The following SULF2 variants were observed in gnomAD, a reference collection of about 807,000 sequenced individuals.
The protein encoded by SULF2 is sulfatase 2, also known as extracellular sulfatase Sulf-2.
In SULF2, 52 loss-of-function variants were observed where a neutral mutation model predicts 107.7. The ratio of observed to expected loss-of-function variants is 0.48; its 90% CI spans 0.39 to 0.61. The LOEUF (loss-of-function observed/expected upper bound fraction) is 0.61. SULF2 is among the 20% of genes least tolerant of loss of function. The pLI is 0.00. For synonymous variants in SULF2, 460 were observed against 464.3 expected (o/e 0.99, Z 0.12); for missense variants, 993 against 1,177.3 (o/e 0.84, Z 2.29).
In SULF2 at chr20:47,706,212, T is replaced by A. The variant is rs199575041; in HGVS notation, c.416-3542A>T. 3.9e-5 allele frequency among the ~76,000 whole-genome samples: 6 copies of A among 152,150 alleles called. No homozygotes were observed. The East Asian group carries it at 9.6e-4, about 24-fold the overall frequency. ...GCCAGGAAGGCCCCTGGAGACCAAG[T>A]GTAGTTCAGGAAACAAGATTTCCTA... is the stretch of plus-strand genomic sequence containing the variant. On this transcript the variant is annotated intron_variant, in intron 3 of 20. Coordinates refer to ENST00000688720, the MANE Select transcript of SULF2 (RefSeq NM_001387048.1).
At chr20:47,669,608 GA>G (rs778982835) in intron 11 of SULF2, among the ~76,000 whole-genome samples, 5 of 152,142 alleles carry the variant, frequency 3.3e-5, no homozygotes, top group Non-Finnish European at 7.4e-5. Flanking sequence ...CTAGCAGGGG[GA>G]AGAATGCCAG....
chr20:47,772,702 G>A (rs1009670709), intron 1 of SULF2, among the ~76,000 whole-genome samples: 1 of 151,918 alleles, frequency 6.6e-6, no homozygotes, highest in Admixed American at 6.5e-5. Flanking sequence ...ACTCACTCAG[G>A]TCTCCTGCCC....
intron 2 of SULF2, among the ~76,000 whole-genome samples, chr20:47,756,022 C>T (rs1445277445): frequency 6.6e-6 from 1 of 152,090 alleles, no homozygotes; most frequent in Non-Finnish European, 1.5e-5. Flanking sequence ...GCTCCTGACA[C>T]AGTGCACTGA....
In SULF2 at chr20:47,672,572, G is replaced by A. The variant is rs949522607; in HGVS notation, c.1381-179C>T. 2.0e-5 allele frequency: 20 copies of A among 984,478 alleles called. No homozygotes were observed. The African/African-American group carries it at 3.5e-4, about 17-fold the overall frequency. The allele number at this position is 984,478 out of a possible 1,614,324, so 61.0% of individuals were successfully genotyped here. A position where few individuals can be genotyped will look rare whatever the true frequency, so the allele number is the denominator to read the frequency against. On this transcript the variant is annotated intron_variant, in intron 10 of 20. Transcript: ENST00000688720. The stretch of plus-strand genomic sequence containing the variant: ...CTCCACTGCCACTGCTTGAACCTTG[G>A]GCAGAGCTACCATCATCCCCCAGCG...
chr20:47,777,727 A>C (rs975727061), intron 1 of SULF2, among the ~76,000 whole-genome samples: 1 of 152,192 alleles, frequency 6.6e-6, no homozygotes, highest in Non-Finnish European at 1.5e-5. Context: ...GTGGCCTGCA[A>C]TCAGAAGTCT....
At chr20:47,739,759 T>A (rs2089833683) in intron 2 of SULF2, among the ~76,000 whole-genome samples, 1 of 152,366 alleles carries the variant, frequency 6.6e-6, no homozygotes, top group Admixed American at 6.5e-5. Flanking sequence ...GCCTGGCACA[T>A]AATGTGCTCA....
chr20:47,671,803 C>T (rs2087480485), intron 11 of SULF2, among the ~76,000 whole-genome samples: 1 of 152,132 alleles, frequency 6.6e-6, no homozygotes, highest in Admixed American at 6.5e-5. Context: ...CAGCCTCTGC[C>T]TCCTGGGTTC....
chr20:47,723,774 C>T (rs2089362075), intron 3 of SULF2, among the ~76,000 whole-genome samples: 2 of 152,146 alleles, frequency 1.3e-5, no homozygotes, highest in African/African-American at 2.4e-5. Context: ...CAAGCTCGGG[C>T]TCCCACTGAT....
intron 2 of SULF2, among the ~76,000 whole-genome samples, chr20:47,754,027 T>C (rs1453190045): frequency 6.6e-6 from 1 of 152,202 alleles, no homozygotes; most frequent in African/African-American, 2.4e-5. Flanking sequence ...AGTATGGCCC[T>C]GGAAGCAGTT....
At chr20:47,673,086 C>T (rs1419013191) in intron 10 of SULF2, among the ~76,000 whole-genome samples, 1 of 152,224 alleles carries the variant, frequency 6.6e-6, no homozygotes, top group Non-Finnish European at 1.5e-5. Context: ...GAATCACTGT[C>T]CAAATCTCTC....
At chr20:47,709,754 C>CTGTGTGTG (rs57995482) in intron 3 of SULF2, among the ~76,000 whole-genome samples, 4 of 150,790 alleles carry the variant, frequency 2.7e-5, no homozygotes, top group African/African-American at 9.8e-5. Flanking sequence ...AGGGAAGAGT[C>CTGTGTGTG]TGTGTGTGTG....
chr20:47,692,863 C>A (rs1346411839), intron 4 of SULF2, among the ~76,000 whole-genome samples: 4 of 152,118 alleles, frequency 2.6e-5, no homozygotes, highest in Admixed American at 1.3e-4. Context: ...TAAGAGCAAG[C>A]AACAGAGTCA....
intron 6 of SULF2, 67 bp downstream of exon 6, chr20:47,684,364 G>A (rs1427080506): frequency 1.3e-6 from 2 of 1,492,312 alleles, no homozygotes; most frequent in East Asian, 2.4e-5. Context: ...GGGCCAGGAG[G>A]TCTCGGCCCT....
At chr20:47,741,582 C>T (rs2089883642) in intron 2 of SULF2, among the ~76,000 whole-genome samples, 1 of 152,216 alleles carries the variant, frequency 6.6e-6, no homozygotes, top group Middle Eastern at 3.2e-3. Flanking sequence ...GATGGCTCCA[C>T]AGCTCAGCCT....
chr20:47,665,755 C>T, intron 13 of SULF2, 102 bp downstream of exon 13: 1 of 947,948 alleles, frequency 1.1e-6, no homozygotes, highest in South Asian at 1.4e-5. Flanking sequence ...ACCTCTCCAG[C>T]CTCTTCCCTG....
At chr20:47,754,745 C>G (rs183565431) in intron 2 of SULF2, among the ~76,000 whole-genome samples, 1 of 152,222 alleles carries the variant, frequency 6.6e-6, no homozygotes, top group Admixed American at 6.5e-5. Context: ...CAAACGCACA[C>G]GCTACCAATC....
chr20:47,698,891 C>T (rs542276696), intron 4 of SULF2, among the ~76,000 whole-genome samples: 96 of 152,112 alleles, frequency 6.3e-4, no homozygotes, highest in African/African-American at 2.1e-3. Context: ...ATTAGCTGGG[C>T]GTGGTGGTGC....
chr20:47,686,730 G>T (rs1377093969), intron 5 of SULF2, among the ~76,000 whole-genome samples: 1 of 152,226 alleles, frequency 6.6e-6, no homozygotes, highest in Non-Finnish European at 1.5e-5. Flanking sequence ...GGGTAGCTTG[G>T]CAGCTGTGGA....
At chr20:47,676,426 A>G (rs2087641628) in intron 10 of SULF2, 68 bp downstream of exon 10, 4 of 1,553,912 alleles carry the variant, frequency 2.6e-6, no homozygotes, top group Non-Finnish European at 3.5e-6. Flanking sequence ...CGGCTCTCAG[A>G]GCCTCGCAGG....
Sources: gnomAD v4.1 joint callset for allele counts (sites outside exome capture counted in the v4.1 genomes callset) on GRCh38, gnomAD v4.1.1 for gene constraint, MANE v1.5 for transcripts, NCBI Gene and HGNC (gene_info 2026-07-23, HGNC 2026-07-21) for gene names.